Variants in TMEM87A observed in about 807,000 individuals in gnomAD.
The protein encoded by TMEM87A is Golgi-pH regulating cation channel.
A neutral mutation model predicts 90.0 loss-of-function variants in TMEM87A; 50 were observed. The observed-to-expected ratio is 0.56, with a 90% CI of 0.44 to 0.70. The LOEUF is 0.70. Ranked by LOEUF, TMEM87A falls within the 30% of genes least tolerant of loss-of-function variation. TMEM87A has a pLI of 0.00. For missense variants in TMEM87A, 577 were observed against 660.5 expected, an observed-to-expected ratio of 0.87 and a Z score of 1.39; for synonymous variants, 226 against 226.7, an observed-to-expected ratio of 1.00 and a Z score of 0.03.
chr15:42,256,283 G>A (rs1566938020), intron 6 of TMEM87A, among the ~76,000 whole-genome samples: 1 of 152,048 alleles, frequency 6.6e-6, no homozygotes, highest in Non-Finnish European at 1.5e-5. Flanking sequence ...TGGGATTACA[G>A]GTGTACCCCA....
At position 42,228,775 on chromosome 15, in the gene TMEM87A, T is replaced by C; in HGVS notation, c.1177A>G (p.Arg393Gly). 6.2e-7 allele frequency: 1 copy of C among 1,607,206 alleles called. No homozygotes were observed. The highest frequency in any genetic ancestry group is 8.5e-7 in the Non-Finnish European group (1 of 1,178,052). Residue 393 changes from arginine (R) to glycine (G), a missense_variant, in exon 13 of 20, where the codon AGG (arginine) becomes GGG (glycine). Coordinates refer to ENST00000389834, the MANE Select transcript of TMEM87A (RefSeq NM_015497.5). The stretch of plus-strand genomic sequence containing the variant: ...TACAAAGAGAGTTTTACAATGTTCC[T>C]CCGAAGTTTTAATAGCTTCATTGTT... ...TQTMKLLKLR[R>G]NIVKLSLYRH...
chr15:42,227,747 C>G lies in TMEM87A; in HGVS notation c.1263G>C (p.Trp421Cys). 6.2e-7 allele frequency: 1 copy of G among 1,613,904 alleles called. No homozygotes were observed. The change falls in exon 14 of 20, where the codon TGG (tryptophan) becomes TGC (cysteine). Residue 421 changes from tryptophan (W) to cysteine (C), a missense_variant. Transcript: ENST00000389834. ...TCACTATTCTGAACTTCATGGTTGT[C>G]CAGATGATAAACACAATGGATGCTA... ...AVAASIVFII[W>C]TTMKFRIVTC...
chr15:42,245,520 CT>C (rs550453415), intron 6 of TMEM87A, among the ~76,000 whole-genome samples: 297 of 118,420 alleles, frequency 2.5e-3, no homozygotes, highest in Admixed American at 4.8e-3. Flanking sequence ...ACATTTATTA[CT>C]TTTTTTTTTT....
chr15:42,244,017 TAACA>T (rs1195867495), intron 7 of TMEM87A, 29 bp downstream of exon 7: 1 of 1,311,566 alleles, frequency 7.6e-7, no homozygotes. Flanking sequence ...AACCAGATAA[TAACA>T]TAACCATTAA....
intron 6 of TMEM87A, among the ~76,000 whole-genome samples, chr15:42,254,845 C>G (rs1225743596): frequency 1.3e-5 from 2 of 152,134 alleles, no homozygotes; most frequent in African/African-American, 4.8e-5. Context: ...AAACTATAGA[C>G]TTTGATAATA....
At chr15:42,216,925 GT>G (rs2050392742) in intron 19 of TMEM87A, among the ~76,000 whole-genome samples, 1 of 149,670 alleles carries the variant, frequency 6.7e-6, no homozygotes, top group Admixed American at 6.7e-5. Flanking sequence ...TCCAGAACTA[GT>G]TTCCATGAAC....
intron 15 of TMEM87A, among the ~76,000 whole-genome samples, chr15:42,221,760 A>C (rs180789681): frequency 2.0e-4 from 30 of 152,188 alleles, no homozygotes; most frequent in African/African-American, 7.2e-4. Context: ...GCTTTTAAAA[A>C]ATTTTTTTGA....
chr15:42,254,253 T>C (rs2051137059), intron 6 of TMEM87A, among the ~76,000 whole-genome samples: 1 of 152,198 alleles, frequency 6.6e-6, no homozygotes, highest in Non-Finnish European at 1.5e-5. Flanking sequence ...AGTAGTTTTG[T>C]TCCCAAAACA....
chr15:42,233,426 C>T (rs1293070558), intron 10 of TMEM87A, 120 bp from the exon 11 acceptor site: 2 of 659,404 alleles, frequency 3.0e-6, no homozygotes, highest in East Asian at 2.7e-5. Context: ...ATAATATACA[C>T]TTGATTCACC....
At chr15:42,263,751 G>GA (rs1000435560) in intron 4 of TMEM87A, among the ~76,000 whole-genome samples, 13 of 151,480 alleles carry the variant, frequency 8.6e-5, no homozygotes, top group African/African-American at 1.2e-4. Flanking sequence ...CTGCCTTGGG[G>GA]AAAAAAAAAG....
Position 42,211,136 on chromosome 15 carries a change from CTCT to C in TMEM87A, c.*569_*571del, listed in dbSNP as rs2050277325. On this transcript the variant is annotated 3_prime_UTR_variant, in exon 20 of 20. Transcript: ENST00000389834. ...GATCTGAATCATACTGTAACAGTTT[CTCT>C]TTTTTTTTTTTTCTTTTGATCATTG... is the stretch of plus-strand genomic sequence containing the variant. 2.0e-5 allele frequency: 1 copy of C among 49,522 alleles called. No individual in the cohort carries two copies. 3.1% of individuals were successfully genotyped at this position (49,522 alleles called of 1,614,324 possible). A position where few individuals can be genotyped will look rare whatever the true frequency, so the allele number is the denominator to read the frequency against.
intron 10 of TMEM87A, among the ~76,000 whole-genome samples, chr15:42,234,137 T>G (rs2050734086): frequency 6.6e-6 from 1 of 152,166 alleles, no homozygotes; most frequent in Non-Finnish European, 1.5e-5. Flanking sequence ...ATCTAAAAAT[T>G]CTAACGATTC....
chr15:42,258,097 A>G, intron 6 of TMEM87A: 1 of 978,570 alleles, frequency 1.0e-6, no homozygotes, highest in Non-Finnish European at 1.2e-6. Context: ...TGAAACTCAT[A>G]AAAGTTCAAG....
Position 42,227,752 on chromosome 15 carries a change from T to A in TMEM87A, c.1258A>T (p.Ile420Phe). Residue 420 changes from isoleucine to phenylalanine, a missense_variant, in exon 14 of 20, where the codon ATC (isoleucine) becomes TTC (phenylalanine). By Grantham distance (21) the Ile-to-Phe change is conservative. Transcript: ENST00000389834. ...LAVAASIVFIIWTTMKFRIVT... is the reference protein window; with the variant it reads ...LAVAASIVFIFWTTMKFRIVT... ...ATTCTGAACTTCATGGTTGTCCAGATGATAAACACAATGGATGCTAACAGT... is the reference window on the plus strand; with the variant it reads ...ATTCTGAACTTCATGGTTGTCCAGAAGATAAACACAATGGATGCTAACAGT... The A allele has an allele frequency of 6.2e-7, 1 of 1,613,986 alleles. No homozygotes were observed. The highest frequency in any genetic ancestry group is 8.5e-7 in the Non-Finnish European group (1 of 1,179,940).
chr15:42,228,648 A>G (rs1468376071), intron 13 of TMEM87A, 64 bp downstream of exon 13: 2 of 1,380,490 alleles, frequency 1.4e-6, no homozygotes, highest in African/African-American at 2.9e-5. Context: ...ATGGCCTTTC[A>G]GGTTAAGAAT....
At chr15:42,243,347 G>A (rs2140951165) in intron 7 of TMEM87A, among the ~76,000 whole-genome samples, 1 of 150,814 alleles carries the variant, frequency 6.6e-6, no homozygotes, top group South Asian at 2.1e-4. Flanking sequence ...AAAGGAAATT[G>A]CAAAAACACA....
intron 15 of TMEM87A, among the ~76,000 whole-genome samples, chr15:42,221,948 T>A (rs2050494630): frequency 6.6e-6 from 1 of 152,012 alleles, no homozygotes; most frequent in East Asian, 1.9e-4. Flanking sequence ...AGAAATGGGA[T>A]CTTGCTATAT....
In TMEM87A at chr15:42,260,951, T is replaced by C. The variant is rs2051276561; in HGVS notation, c.504+7A>G. On this transcript the variant is annotated splice_region_variant and intron_variant, in intron 6 of 19. Transcript: ENST00000389834. ...GTTCAATGCCCCAAATCCCCAAATATACTTACGGTTTTGTCTCCAATAAAG... is the reference window on the plus strand; with the variant it reads ...GTTCAATGCCCCAAATCCCCAAATACACTTACGGTTTTGTCTCCAATAAAG... 1.2e-6 allele frequency: 2 copies of C among 1,607,260 alleles called. No individual in the cohort carries two copies. Among genetic ancestry groups the C allele is most frequent in the Non-Finnish European group, 1.7e-6 (2 of 1,177,168 alleles).
In TMEM87A at chr15:42,244,043, A is replaced by C. The variant is rs2140952222; in HGVS notation, c.622+7T>G. 1 of 1,526,006 alleles carries C rather than the reference A, an allele frequency of 6.6e-7. No individual in the cohort carries two copies. The highest frequency in any genetic ancestry group is 8.8e-7 in the Non-Finnish European group (1 of 1,134,590). The allele number at this position is 1,526,006 out of a possible 1,614,324, so 94.5% of individuals were successfully genotyped here. ...AACATAACCATTAAAAAAAAAACTGAACTTACTGGTAAAAAGATTACTCAG... is the reference window on the plus strand; with the variant it reads ...AACATAACCATTAAAAAAAAAACTGCACTTACTGGTAAAAAGATTACTCAG... On this transcript the variant is annotated splice_region_variant and intron_variant, in intron 7 of 19. Coordinates refer to ENST00000389834, the MANE Select transcript of TMEM87A (RefSeq NM_015497.5).
Sources: gnomAD v4.1 joint callset for allele counts (sites outside exome capture counted in the v4.1 genomes callset) on GRCh38, gnomAD v4.1.1 for gene constraint, MANE v1.5 for transcripts, NCBI Gene and HGNC (gene_info 2026-07-23, HGNC 2026-07-21) for gene names.